AHRR: variants seen among roughly 807,000 people sequenced by gnomAD.
The protein encoded by AHRR is ahR repressor.
A neutral mutation model predicts 44.0 loss-of-function variants in AHRR; 28 were observed. The observed-to-expected ratio is 0.64, with a 90% confidence interval of 0.47 to 0.87. AHRR has a LOEUF of 0.87. Among genes scored for constraint, AHRR ranks in the 40% least tolerant of loss-of-function variants. The pLI, the probability that AHRR is intolerant of heterozygous loss-of-function variation, is 0.00. For missense variants in AHRR, 990 were observed against 953.9 expected, an observed-to-expected ratio of 1.04 and a Z score of -0.50; for synonymous variants, 434 against 407.0, an observed-to-expected ratio of 1.07 and a Z score of -0.80.
intron 5 of AHRR, among the ~76,000 whole-genome samples, chr5:415,357 CCGAGTCTCCCTGGTCGGG>C (rs1342602632): frequency 2.3e-4 from 32 of 139,478 alleles, no homozygotes; most frequent in Non-Finnish European, 3.2e-4. Context: ...GGCCTAGGGG[CCGAGTCTCCCTGGTCGGG>C]TGGGAGGCCT....
chr5:426,993 T>G (rs1241355623), intron 7 of AHRR, among the ~76,000 whole-genome samples: 1 of 147,890 alleles, frequency 6.8e-6, no homozygotes, highest in Admixed American at 6.7e-5. Context: ...GATGGGTGGA[T>G]GTGAAGATGG....
intron 1 of AHRR, among the ~76,000 whole-genome samples, chr5:333,811 A>G (rs183780242): frequency 5.5e-4 from 84 of 152,194 alleles, no homozygotes; most frequent in Admixed American, 2.1e-3. Flanking sequence ...TGATTGCTTT[A>G]TGAGTGAGTT....
In AHRR at chr5:370,256, C is replaced by T. The variant is rs979342377; in HGVS notation, c.245-6354C>T. ...TCCTCCCGGGCCCTCGCTGGTGCCC[C>T]GACCTCCTGGGCCCTCGCTGGAAGC... On this transcript the variant is annotated intron_variant, in intron 3 of 10. Transcript: ENST00000684583. The surrounding 1 kb of genome is among the most constrained non-coding windows in gnomAD (Gnocchi z 4.5). 1.3e-5 allele frequency among the ~76,000 whole-genome samples: 2 copies of T among 152,014 alleles called. No homozygotes were observed. Among genetic ancestry groups the T allele is most frequent in the Non-Finnish European group, 2.9e-5 (2 of 67,994 alleles).
rs541592787 is a variant in AHRR, at chr5:398,913, C to T, written c.352-14431C>T. Among the ~76,000 whole-genome samples, 279 of 152,332 alleles carry T rather than the reference C, an allele frequency of 1.8e-3. 2 individuals carry two copies. In the Middle Eastern group the frequency reaches 0.031, roughly 17 times the overall value. On this transcript the variant is annotated intron_variant, in intron 4 of 10. Coordinates refer to ENST00000684583, the MANE Select transcript of AHRR (RefSeq NM_001377236.1). ...TTCCCCACCCGAGGTCACTGGTGCACCTGGGACCCCCCTGCCAACATGCCC... is the reference window on the plus strand; with the variant it reads ...TTCCCCACCCGAGGTCACTGGTGCATCTGGGACCCCCCTGCCAACATGCCC...
intron 5 of AHRR, among the ~76,000 whole-genome samples, chr5:415,682 C>T (rs111830695): frequency 0.015 from 1,603 of 110,482 alleles, 34 homozygotes; most frequent in Middle Eastern, 0.027. Flanking sequence ...CCTGGTCGGG[C>T]GGGAGGCCTA....
chr5:432,723 G>A lies in AHRR; in HGVS notation c.971-83G>A, dbSNP rs577542587. The A allele has an allele frequency of 1.1e-5, 18 of 1,606,490 alleles. No homozygotes were observed. In the East Asian group the frequency reaches 4.0e-4, roughly 36 times the overall value. On this transcript the variant is annotated intron_variant, in intron 9 of 10. Transcript: ENST00000684583. The stretch of plus-strand genomic sequence containing the variant: ...CATTTCTGAGGAGCCGATGGGTCCT[G>A]CCTTGCTGAGAACAAGCAACCGTCT...
At position 380,807 on chromosome 5, in the gene AHRR, A is replaced by C. The variant is rs182050551; in HGVS notation, c.351+4091A>C. Among the ~76,000 whole-genome samples, 27 of 152,334 alleles carry C rather than the reference A, an allele frequency of 1.8e-4. No homozygotes were observed. The East Asian group carries it at 5.2e-3, about 29-fold the overall frequency. ...CAATAGGTTATATGTGAGGAGCCTTATTAGAGGAATTGGCTTACATGATCA... is the reference window on the plus strand; with the variant it reads ...CAATAGGTTATATGTGAGGAGCCTTCTTAGAGGAATTGGCTTACATGATCA... On this transcript the variant is annotated intron_variant, in intron 4 of 10. Coordinates refer to ENST00000684583, the MANE Select transcript of AHRR (RefSeq NM_001377236.1).
intron 3 of AHRR, among the ~76,000 whole-genome samples, chr5:366,432 AAATG>A (rs1743363199): frequency 1.3e-5 from 1 of 75,300 alleles, no homozygotes; most frequent in Non-Finnish European, 3.0e-5. Context: ...ACATTTATAT[AAATG>A]AATGAATAAG....
chr5:369,879 GGGAA>G (rs1237325651), intron 3 of AHRR, among the ~76,000 whole-genome samples: 1 of 152,282 alleles, frequency 6.6e-6, no homozygotes, highest in Non-Finnish European at 1.5e-5. Context: ...TTCTTGAGAA[GGGAA>G]GGAAGGGAGA....
At chr5:360,484 C>T (rs527649673) in intron 3 of AHRR, among the ~76,000 whole-genome samples, 58 of 152,208 alleles carry the variant, frequency 3.8e-4, no homozygotes, top group African/African-American at 1.3e-3. Context: ...GGAGGCTGGA[C>T]GAGTTTTGAG....
At chr5:392,960 C>T (rs1734538282) in intron 4 of AHRR, among the ~76,000 whole-genome samples, 1 of 152,084 alleles carries the variant, frequency 6.6e-6, no homozygotes, top group East Asian at 1.9e-4. Flanking sequence ...CACCAAGCGC[C>T]GTCTTTCACT....
chr5:391,308 T>C (rs562668816), intron 4 of AHRR, among the ~76,000 whole-genome samples: 3 of 127,308 alleles, frequency 2.4e-5, no homozygotes, highest in African/African-American at 3.4e-5. Context: ...ATTAGGAAGG[T>C]GGGCCAGAGC....
intron 3 of AHRR, among the ~76,000 whole-genome samples, chr5:374,900 C>T (rs962081872): frequency 6.6e-6 from 1 of 152,220 alleles, no homozygotes; most frequent in African/African-American, 2.4e-5. Context: ...AGCAGGTTAA[C>T]CCAGCGTCCG....
At chr5:399,544 T>C (rs1227042574) in intron 4 of AHRR, among the ~76,000 whole-genome samples, 1 of 152,228 alleles carries the variant, frequency 6.6e-6, no homozygotes, top group African/African-American at 2.4e-5. Flanking sequence ...GGAGGGTGCC[T>C]GGTGCTGCTG....
chr5:359,906 G>C (rs913138500), intron 3 of AHRR, among the ~76,000 whole-genome samples: 1 of 152,180 alleles, frequency 6.6e-6, no homozygotes, highest in Non-Finnish European at 1.5e-5. Flanking sequence ...GATTACGAGT[G>C]ATTGTGTAAA....
Position 397,378 on chromosome 5 carries a change from C to T in AHRR, c.352-15966C>T, listed in dbSNP as rs369052030. On this transcript the variant is annotated intron_variant, in intron 4 of 10. Coordinates refer to ENST00000684583, the MANE Select transcript of AHRR (RefSeq NM_001377236.1). ...TGTTAGCCCCTGACCATCCACGTAGCCCCTGACCATCCATGTTAGCCCCTG... is the reference window on the plus strand; with the variant it reads ...TGTTAGCCCCTGACCATCCACGTAGTCCCTGACCATCCATGTTAGCCCCTG... 2.2e-5 allele frequency among the ~76,000 whole-genome samples: 3 copies of T among 137,616 alleles called. No homozygotes were observed. The East Asian group carries it at 7.1e-4, about 33-fold the overall frequency. The allele number at this position is 137,616 out of a possible 152,430, so 90.3% of individuals were successfully genotyped here.
At chr5:424,883 C>G (rs531495069) in intron 7 of AHRR, among the ~76,000 whole-genome samples, 12 of 152,346 alleles carry the variant, frequency 7.9e-5, no homozygotes, top group African/African-American at 2.9e-4. Flanking sequence ...GCAAAGGCCT[C>G]CCACCCTGTC....
rs1742393138 is a variant in AHRR, at chr5:342,916, T to C, written c.-10-977T>C. Among the ~76,000 whole-genome samples the C allele has an allele frequency of 6.6e-6, 1 of 152,196 alleles. No homozygotes were observed. The stretch of plus-strand genomic sequence containing the variant: ...TGTGTCCAGCACTGTTGGTGGCAGC[T>C]GGTGGGTGTAGTCAGCTGGACTCAG... On this transcript the variant is annotated intron_variant, in intron 1 of 10. Coordinates refer to ENST00000684583, the MANE Select transcript of AHRR (RefSeq NM_001377236.1). The surrounding 1 kb of genome is among the most constrained non-coding windows in gnomAD (Gnocchi z 4.3).
chr5:397,169 T>C (rs1651334), intron 4 of AHRR, among the ~76,000 whole-genome samples: 142 of 43,888 alleles, frequency 3.2e-3, no homozygotes, highest in Admixed American at 5.4e-3. Context: ...TCCACGTAGC[T>C]CCTGACCATC....
Sources: allele counts gnomAD v4.1 joint callset (sites outside exome capture counted in the v4.1 genomes callset), GRCh38; gene constraint gnomAD v4.1.1; non-coding constraint Gnocchi (gnomAD v3.1); transcripts MANE v1.5; gene names NCBI Gene and HGNC (gene_info 2026-07-23, HGNC 2026-07-21).